NNT: variants seen among roughly 807,000 people sequenced by gnomAD.
NNT encodes NAD(P) transhydrogenase, mitochondrial.
NNT carries 50 observed loss-of-function variants against 104.8 expected under a neutral mutation model. The observed-to-expected ratio is 0.48, with a 90% CI of 0.38 to 0.60. NNT has a LOEUF of 0.60. NNT is among the 20% of genes least tolerant of loss of function. The pLI, the probability that NNT is intolerant of heterozygous loss-of-function variation, is 0.00. For synonymous variants in NNT, 461 were observed against 490.4 expected (o/e 0.94, Z 0.79); for missense variants, 1,131 against 1,330.7 (o/e 0.85, Z 2.33).
rs1368238461 is a variant in NNT at position 43,655,969 on chromosome 5, C to G, written c.2189C>G (p.Ala730Gly). 1.2e-6 allele frequency: 2 copies of G among 1,614,172 alleles called. No homozygotes were observed. The highest frequency in any genetic ancestry group is 1.7e-6 in the Non-Finnish European group (2 of 1,180,028). ...AEYIIEYPHFATDAAANLTKI... is the reference protein window; with the variant it reads ...AEYIIEYPHFGTDAAANLTKI... ...TACATTATAGAATATCCACATTTTG[C>G]TACGGATGCAGCAGCAAATCTCACC... The change falls in exon 15 of 22, where the codon GCT (alanine) becomes GGT (glycine). Residue 730 changes from alanine to glycine, a missense_variant. By Grantham distance (60) the Ala-to-Gly change is moderately conservative. Coordinates refer to ENST00000344920, the MANE Select transcript of NNT (RefSeq NM_182977.3).
chr5:43,664,871 T>C (rs1448944791), intron 17 of NNT, among the ~76,000 whole-genome samples: 1 of 152,270 alleles, frequency 6.6e-6, no homozygotes, highest in Non-Finnish European at 1.5e-5. Context: ...GGAATTGTTA[T>C]AGCTTAATGG....
rs1290409610 is a variant in NNT at position 43,668,614 on chromosome 5, G to A, written c.2635-6897G>A. Among the ~76,000 whole-genome samples, 7 of 152,004 alleles carry A rather than the reference G, an allele frequency of 4.6e-5. 1 individual carries two copies. The East Asian group carries it at 9.6e-4, about 21-fold the overall frequency. ...TAGATGTGTGGTATTATTTCTGAGG[G>A]CTCTGTTCTGTTCCATTGGTCTATA... On this transcript the variant is annotated intron_variant, in intron 17 of 21. Coordinates refer to ENST00000344920, the MANE Select transcript of NNT (RefSeq NM_182977.3).
At chr5:43,688,445 G>A (rs962615201) in intron 19 of NNT, among the ~76,000 whole-genome samples, 1 of 152,230 alleles carries the variant, frequency 6.6e-6, no homozygotes, top group African/African-American at 2.4e-5. Context: ...GGTTTTTGGG[G>A]AATAGGTGTT....
At chr5:43,623,951 A>G in intron 5 of NNT, 81 bp from the exon 6 acceptor site, 1 of 1,266,156 alleles carries the variant, frequency 7.9e-7, no homozygotes, top group Non-Finnish European at 1.2e-6. Flanking sequence ...AACTTATACT[A>G]GGCACCAATA....
chr5:43,675,505 T>C lies in NNT; in HGVS notation c.2635-6T>C, dbSNP rs747389406. 25 of 1,607,140 alleles carry C rather than the reference T, an allele frequency of 1.6e-5. No homozygotes were observed. Among genetic ancestry groups the C allele is most frequent in the Middle Eastern group, 3.3e-4 (2 of 6,054 alleles). On this transcript the variant is annotated splice_polypyrimidine_tract_variant and splice_region_variant and intron_variant, in intron 17 of 21. Coordinates refer to ENST00000344920, the MANE Select transcript of NNT (RefSeq NM_182977.3). The stretch of plus-strand genomic sequence containing the variant: ...AACTCTCACAGCTGATAATTTGGCT[T>C]TCTAGGCAATGAATCGCTCCCTGGC...
intron 19 of NNT, among the ~76,000 whole-genome samples, chr5:43,679,181 G>A (rs1741575080): frequency 6.6e-6 from 1 of 152,200 alleles, no homozygotes. Flanking sequence ...TTGCTGCTGA[G>A]AACATTTGTA....
intron 4 of NNT, among the ~76,000 whole-genome samples, chr5:43,617,598 T>C (rs1156949654): frequency 6.6e-6 from 1 of 152,224 alleles, no homozygotes; most frequent in Admixed American, 6.5e-5. Context: ...CTACTTCCAC[T>C]TCATTACTGT....
intron 17 of NNT, among the ~76,000 whole-genome samples, chr5:43,671,608 G>A (rs1741095097): frequency 6.6e-6 from 1 of 152,154 alleles, no homozygotes; most frequent in Non-Finnish European, 1.5e-5. Flanking sequence ...GTTGAATATT[G>A]GCCCCCACTC....
intron 14 of NNT, among the ~76,000 whole-genome samples, chr5:43,653,942 G>A (rs1017373414): frequency 6.7e-6 from 1 of 149,262 alleles, no homozygotes. Flanking sequence ...GTGACAAAGC[G>A]AGACTCTGTC....
intron 19 of NNT, among the ~76,000 whole-genome samples, chr5:43,680,979 A>C (rs1741677725): frequency 6.6e-6 from 1 of 152,080 alleles, no homozygotes; most frequent in South Asian, 2.1e-4. Context: ...CCATTGAGTA[A>C]TTAGGGAGGG....
chr5:43,607,989 G>A (rs573619323), intron 1 of NNT, among the ~76,000 whole-genome samples: 1 of 151,770 alleles, frequency 6.6e-6, no homozygotes, highest in South Asian at 2.1e-4. Flanking sequence ...GGAGTGCAGT[G>A]GTGCAATCTT....
intron 2 of NNT, among the ~76,000 whole-genome samples, chr5:43,612,021 C>T (rs991851458): frequency 6.6e-6 from 1 of 152,202 alleles, no homozygotes; most frequent in African/African-American, 2.4e-5. Flanking sequence ...AACCCCCCAT[C>T]TACTCCTTGG....
At chr5:43,677,597 C>G (rs902993990) in intron 18 of NNT, 128 bp from the exon 19 acceptor site, 7 of 768,084 alleles carry the variant, frequency 9.1e-6, no homozygotes, top group African/African-American at 1.7e-5. Context: ...AATTTGCTTT[C>G]ATTTCTAGTC....
chr5:43,626,038 G>A (rs1750343190), intron 6 of NNT, among the ~76,000 whole-genome samples: 1 of 151,848 alleles, frequency 6.6e-6, no homozygotes, highest in South Asian at 2.1e-4. Context: ...TATTTAACTA[G>A]GCCTCATTTT....
chr5:43,640,896 T>C (rs950956010), intron 7 of NNT, among the ~76,000 whole-genome samples: 2 of 151,482 alleles, frequency 1.3e-5, no homozygotes, highest in Non-Finnish European at 2.9e-5. Flanking sequence ...ATGTTTTCTT[T>C]TGTAATTTTC....
In NNT at chr5:43,666,824, C is replaced by G. The variant is rs1580074966; in HGVS notation, c.2634+7474C>G. 6 of 1,372,728 alleles carry G rather than the reference C, an allele frequency of 4.4e-6. No homozygotes were observed. The East Asian group carries it at 1.4e-4, about 31-fold the overall frequency. The allele number at this position is 1,372,728 out of a possible 1,614,324, so 85.0% of individuals were successfully genotyped here. A position where few individuals can be genotyped will look rare whatever the true frequency, so the allele number is the denominator to read the frequency against. On this transcript the variant is annotated intron_variant, in intron 17 of 21. Transcript: ENST00000344920. ...TTGGGAGCCTGAGCTGGAACTGAAG[C>G]TGGAGCTGCAGCCTGGGCCTTGGTT... is the stretch of plus-strand genomic sequence containing the variant.
chr5:43,652,798 T>C (rs557538850), intron 13 of NNT, among the ~76,000 whole-genome samples: 1 of 152,358 alleles, frequency 6.6e-6, no homozygotes, highest in Non-Finnish European at 1.5e-5. Flanking sequence ...TTAGTATTTT[T>C]AGATCCAGTA....
chr5:43,653,845 C>G (rs752668307), intron 14 of NNT, among the ~76,000 whole-genome samples: 3 of 151,668 alleles, frequency 2.0e-5, no homozygotes, highest in Non-Finnish European at 2.9e-5. Flanking sequence ...ATCCCAGCTT[C>G]TTGGGTGGCT....
intron 20 of NNT, among the ~76,000 whole-genome samples, chr5:43,700,489 A>C (rs1470931236): frequency 6.6e-6 from 1 of 152,210 alleles, no homozygotes; most frequent in Non-Finnish European, 1.5e-5. Context: ...CTTGGTGTGT[A>C]GTATAGAAAT....
Sources: gnomAD v4.1 joint callset for allele counts (sites outside exome capture counted in the v4.1 genomes callset) on GRCh38, gnomAD v4.1.1 for gene constraint, MANE v1.5 for transcripts, NCBI Gene and HGNC (gene_info 2026-07-23, HGNC 2026-07-21) for gene names.